PCDH9: variants seen among roughly 807,000 people sequenced by gnomAD.
PCDH9 encodes the protein protocadherin 9.
Under a neutral mutation model 70.6 loss-of-function variants are expected in PCDH9, and 24 were observed. The observed-to-expected ratio is 0.34, with a 90% CI of 0.25 to 0.48. The LOEUF (loss-of-function observed/expected upper bound fraction) is 0.48, where lower values mean the gene tolerates loss of function less well. Ranked by LOEUF, PCDH9 falls within the 20% of genes least tolerant of loss-of-function variation. The pLI is 0.99. For missense variants in PCDH9, 1,281 were observed against 1,503.6 expected (o/e 0.85, Z 2.45); for synonymous variants, 562 against 558.5 (o/e 1.01, Z -0.09).
chr13:66,804,093 C>T lies in PCDH9; in HGVS notation c.3138+99411G>A, dbSNP rs543075284. 4.6e-5 allele frequency among the ~76,000 whole-genome samples: 7 copies of T among 152,280 alleles called. No homozygotes were observed. In the South Asian group the frequency reaches 1.0e-3, roughly 23 times the overall value. ...AAAATCCTGCTGTAATAGCAGCATT[C>T]GGATATGTGACTCTACTGTTTTCAT... On this transcript the variant is annotated intron_variant, in intron 3 of 4. Transcript: ENST00000377865.
intron 2 of PCDH9, among the ~76,000 whole-genome samples, chr13:66,935,244 C>G (rs1015167154): frequency 6.6e-6 from 1 of 151,778 alleles, no homozygotes; most frequent in Non-Finnish European, 1.5e-5. Flanking sequence ...TTTGTAGTGA[C>G]GAGATCCCAC....
intron 4 of PCDH9, among the ~76,000 whole-genome samples, chr13:66,594,633 A>G (rs1002780177): frequency 2.0e-5 from 3 of 151,550 alleles, no homozygotes; most frequent in African/African-American, 7.3e-5. Flanking sequence ...CCCAGAATGC[A>G]TCAGCTATTT....
At chr13:66,521,783 A>G (rs957554960) in intron 4 of PCDH9, among the ~76,000 whole-genome samples, 6 of 152,066 alleles carry the variant, frequency 3.9e-5, no homozygotes, top group African/African-American at 1.2e-4. Context: ...TCACAAAACA[A>G]AAACGATATT....
At chr13:66,690,965 A>C (rs905570566) in intron 3 of PCDH9, among the ~76,000 whole-genome samples, 7 of 152,200 alleles carry the variant, frequency 4.6e-5, no homozygotes, top group Non-Finnish European at 8.8e-5. Flanking sequence ...AATTATGTTA[A>C]TATCCCCTTA....
At chr13:66,784,470 C>G (rs2080048775) in intron 3 of PCDH9, among the ~76,000 whole-genome samples, 1 of 152,138 alleles carries the variant, frequency 6.6e-6, no homozygotes, top group South Asian at 2.1e-4. Context: ...CACCAGGAAG[C>G]AATCCAGAAA....
At chr13:66,684,223 G>C (rs2078367624) in intron 3 of PCDH9, among the ~76,000 whole-genome samples, 1 of 152,292 alleles carries the variant, frequency 6.6e-6, no homozygotes, top group South Asian at 2.1e-4. Context: ...CCAATTAAGA[G>C]AACTGTATTT....
At chr13:66,814,636 A>G (rs2080568903) in intron 3 of PCDH9, among the ~76,000 whole-genome samples, 1 of 152,110 alleles carries the variant, frequency 6.6e-6, no homozygotes, top group African/African-American at 2.4e-5. Context: ...GGCTCCTAAT[A>G]AAATATCCGG....
At chr13:66,622,506 A>G (rs1393842632) in intron 4 of PCDH9, among the ~76,000 whole-genome samples, 1 of 152,108 alleles carries the variant, frequency 6.6e-6, no homozygotes, top group Non-Finnish European at 1.5e-5. Flanking sequence ...GTTTGTAAAC[A>G]CACCAATCAA....
At chr13:67,081,386 T>C (rs1290532880) in intron 2 of PCDH9, among the ~76,000 whole-genome samples, 2 of 152,090 alleles carry the variant, frequency 1.3e-5, no homozygotes, top group Non-Finnish European at 2.9e-5. Flanking sequence ...CTGACCAACA[T>C]GGTGAAACTC....
At chr13:66,381,514 T>C (rs1006942157) in intron 4 of PCDH9, among the ~76,000 whole-genome samples, 8 of 152,184 alleles carry the variant, frequency 5.3e-5, no homozygotes, top group Non-Finnish European at 8.8e-5. Flanking sequence ...CAATATTGGC[T>C]TTTTGTAAAT....
At chr13:66,491,093 T>C (rs981704584) in intron 4 of PCDH9, among the ~76,000 whole-genome samples, 32 of 152,334 alleles carry the variant, frequency 2.1e-4, no homozygotes, top group African/African-American at 7.7e-4. Flanking sequence ...TTTAAACTAA[T>C]GCTAAACTTC....
chr13:66,593,749 T>G (rs1185637049), intron 4 of PCDH9, among the ~76,000 whole-genome samples: 2 of 151,686 alleles, frequency 1.3e-5, no homozygotes, highest in African/African-American at 2.4e-5. Flanking sequence ...AATATATGTT[T>G]GTATTTGAAA....
At chr13:66,524,385 T>G (rs1960126979) in intron 4 of PCDH9, among the ~76,000 whole-genome samples, 1 of 152,062 alleles carries the variant, frequency 6.6e-6, no homozygotes, top group African/African-American at 2.4e-5. Context: ...GTATCTTTAT[T>G]CTGCCATGGA....
At chr13:66,783,368 G>A (rs2080030324) in intron 3 of PCDH9, among the ~76,000 whole-genome samples, 1 of 152,006 alleles carries the variant, frequency 6.6e-6, no homozygotes, top group African/African-American at 2.4e-5. Context: ...TTTGTATGCT[G>A]GAGCCAAGAA....
chr13:66,679,328 ATAT>A (rs1265564445), intron 3 of PCDH9, among the ~76,000 whole-genome samples: 1 of 151,798 alleles, frequency 6.6e-6, no homozygotes, highest in Non-Finnish European at 1.5e-5. Flanking sequence ...TTATAATATG[ATAT>A]TATAGTGATA....
At chr13:66,815,588 G>GTATT (rs1299192605) in intron 3 of PCDH9, among the ~76,000 whole-genome samples, 1 of 152,124 alleles carries the variant, frequency 6.6e-6, no homozygotes, top group African/African-American at 2.4e-5. Context: ...ATACTACACA[G>GTATT]CCATAAAGAG....
intron 3 of PCDH9, among the ~76,000 whole-genome samples, chr13:66,640,640 G>A (rs534101083): frequency 1.6e-4 from 25 of 152,118 alleles, no homozygotes; most frequent in African/African-American, 5.1e-4. Flanking sequence ...ATGAAAACTA[G>A]TAATTCAAGC....
intron 4 of PCDH9, among the ~76,000 whole-genome samples, chr13:66,329,791 A>G (rs547582443): frequency 4.9e-4 from 75 of 152,312 alleles, no homozygotes; most frequent in African/African-American, 1.7e-3. Context: ...CGGAATGGAA[A>G]GTATAAAAAT....
intron 2 of PCDH9, among the ~76,000 whole-genome samples, chr13:66,951,259 T>C (rs910919971): frequency 6.6e-6 from 1 of 152,084 alleles, no homozygotes; most frequent in Non-Finnish European, 1.5e-5. Flanking sequence ...GTGATATAAA[T>C]GAGGTGAAGA....
Sources: allele counts gnomAD v4.1 joint callset (sites outside exome capture counted in the v4.1 genomes callset), GRCh38; gene constraint gnomAD v4.1.1; transcripts MANE v1.5; gene names NCBI Gene and HGNC (gene_info 2026-07-23, HGNC 2026-07-21).